The following PLK1 variants were observed in gnomAD, a reference collection of about 807,000 sequenced individuals.
PLK1 encodes polo like kinase 1.
A neutral mutation model predicts 56.7 loss-of-function variants in PLK1; 6 were observed. The ratio of observed to expected loss-of-function variants is 0.11; its 90% CI spans 0.06 to 0.21. The LOEUF (loss-of-function observed/expected upper bound fraction) is 0.21, where lower values mean the gene tolerates loss of function less well. PLK1 is among the 10% of genes least tolerant of loss of function. The probability of loss-of-function intolerance (pLI) is 1.00; values close to 1 mark genes in which losing one functional copy is unlikely to be tolerated. For synonymous variants in PLK1, 298 were observed against 325.0 expected (o/e 0.92, Z 0.89); for missense variants, 546 against 814.4 (o/e 0.67, Z 4.01).
At chr16:23,681,126 C>G (rs1051599078) in intron 3 of PLK1, 68 bp downstream of exon 3, 12 of 1,402,482 alleles carry the variant, frequency 8.6e-6, no homozygotes, top group Middle Eastern at 2.2e-4. Context: ...TCCTACCTGG[C>G]TGACCTTTTC....
Position 23,679,043 on chromosome 16 carries a change from G to C in PLK1, c.111G>C (p.Ala37=). The change falls in exon 1 of 10, where the codon GCG becomes GCC. Residue 37 remains alanine, a synonymous_variant. Transcript: ENST00000300093. The part of the protein sequence containing the change: ...APGAPAAAPP[A]KEIPEVLVDP... ...GAGCTCCGGCGGCGGCTCCACCGGC[G>C]AAAGAGATCCCGGAGGTCCTAGTGG... 1 of 1,607,988 alleles carries C rather than the reference G, an allele frequency of 6.2e-7. No individual in the cohort carries two copies. The highest frequency in any genetic ancestry group is 1.7e-5 in the Admixed American group (1 of 59,854).
rs770558489 is a variant in PLK1, at chr16:23,687,516, G to T, written c.1084G>T (p.Val362Leu). 3 of 1,601,204 alleles carry T rather than the reference G, an allele frequency of 1.9e-6. No homozygotes were observed. In the African/African-American group the frequency reaches 4.0e-5, roughly 21 times the overall value. The change falls in exon 6 of 10, where the codon GTG becomes TTG. Residue 362 changes from valine (V) to leucine (L), a missense_variant. By Grantham distance (32) the Val-to-Leu change is conservative. Coordinates refer to ENST00000300093, the MANE Select transcript of PLK1 (RefSeq NM_005030.6). ...PERPREKEEP[V>L]VRETGEVVDC... ...GCGTCCCCGGGAAAAAGAAGAACCAGTGGTTCGAGAGACAGGTGAGGTGGT... is the reference window on the plus strand; with the variant it reads ...GCGTCCCCGGGAAAAAGAAGAACCATTGGTTCGAGAGACAGGTGAGGTGGT...
In PLK1 at chr16:23,679,080, C is replaced by T; in HGVS notation, c.148C>T (p.Arg50Trp). 2.5e-6 allele frequency: 4 copies of T among 1,606,168 alleles called. No individual in the cohort carries two copies. Among genetic ancestry groups the T allele is most frequent in the Non-Finnish European group, 3.4e-6 (4 of 1,174,042 alleles). ...IPEVLVDPRSRRRYVRGRFLG... is the reference protein window; with the variant it reads ...IPEVLVDPRSWRRYVRGRFLG... ...GGAGGTCCTAGTGGACCCACGCAGC[C>T]GGCGGCGCTATGTGCGGGGCCGCTT... Residue 50 changes from arginine (R) to tryptophan (W), a missense_variant, in exon 1 of 10, where the codon CGG (arginine) becomes TGG (tryptophan). By Grantham distance (101) the Arg-to-Trp change is moderately radical (BLOSUM62 -3). Around this residue, in one of 7 missense-constraint regions of PLK1, gnomAD observed 111 missense variants for 211.8 expected, o/e 0.52. Coordinates refer to ENST00000300093, the MANE Select transcript of PLK1 (RefSeq NM_005030.6).
rs11645497 is a variant in PLK1 at position 23,681,026 on chromosome 16, C to G, written c.690C>G (p.Phe230Leu). The stretch of plus-strand genomic sequence containing the variant: ...TGCTGAGCAAGAAAGGGCACAGTTT[C>G]GAGGTGGATGTGTGGTCCATTGGGT... ...PEVLSKKGHS[F>L]EVDVWSIGCI... Residue 230 changes from phenylalanine (F) to leucine (L), a missense_variant, in exon 3 of 10, where the codon TTC (phenylalanine) becomes TTG (leucine). Physicochemically the swap from Phe to Leu is conservative, Grantham distance 22. This residue lies in a region of PLK1 where 21 missense variants were observed against 58.4 expected (regional missense o/e 0.36). Transcript: ENST00000300093. 1 of 1,613,320 alleles carries G rather than the reference C, an allele frequency of 6.2e-7. No homozygotes were observed. Among genetic ancestry groups the G allele is most frequent in the Non-Finnish European group, 8.5e-7 (1 of 1,179,708 alleles).
rs747697585 is a variant in PLK1, at chr16:23,680,996, C to T, written c.660C>T (p.Pro220=). ...TLCGTPNYIA[P]EVLSKKGHSF... ...GTGGGACTCCTAATTACATAGCTCC[C>T]GAGGTGCTGAGCAAGAAAGGGCACA... Residue 220 remains proline (P), a synonymous_variant, in exon 3 of 10, where the codon CCC becomes CCT. Coordinates refer to ENST00000300093, the MANE Select transcript of PLK1 (RefSeq NM_005030.6). The T allele has an allele frequency of 1.4e-5, 22 of 1,612,818 alleles. No individual in the cohort carries two copies. The highest frequency in any genetic ancestry group is 6.7e-5 in the East Asian group (3 of 44,776).
chr16:23,679,916 G>A (rs1183433172), intron 1 of PLK1, 168 bp from the exon 2 acceptor site: 2 of 583,090 alleles, frequency 3.4e-6, no homozygotes, highest in Non-Finnish European at 6.1e-6. Flanking sequence ...GCTGGAGAAG[G>A]AATGGGGTGG....
Position 23,679,070 on chromosome 16 carries a change from C to G in PLK1, c.138C>G (p.Asp46Glu). 6.2e-7 allele frequency: 1 copy of G among 1,606,362 alleles called. No individual in the cohort carries two copies. The highest frequency in any genetic ancestry group is 1.7e-4 in the Middle Eastern group (1 of 5,992). ...PAKEIPEVLV[D>E]PRSRRRYVRG... Reference sequence around the variant, plus strand: ...AAGAGATCCCGGAGGTCCTAGTGGACCCACGCAGCCGGCGGCGCTATGTGC... The same window carrying G: ...AAGAGATCCCGGAGGTCCTAGTGGAGCCACGCAGCCGGCGGCGCTATGTGC... The change falls in exon 1 of 10, where the codon GAC (aspartate) becomes GAG (glutamate). Residue 46 changes from aspartate (D) to glutamate (E), a missense_variant. Physicochemically the swap from Asp to Glu is conservative, Grantham distance 45. Transcript: ENST00000300093.
intron 5 of PLK1, 40 bp downstream of exon 5, chr16:23,684,129 G>A (rs757442756): frequency 2.6e-6 from 4 of 1,519,828 alleles, no homozygotes; most frequent in Non-Finnish European, 3.7e-6. Flanking sequence ...ACCCCCCAGA[G>A]AAAGCCCAGG....
chr16:23,688,844 T>C (rs1959477427), intron 7 of PLK1, 99 bp downstream of exon 7: 1 of 833,598 alleles, frequency 1.2e-6, no homozygotes. Flanking sequence ...GGTACTGTTC[T>C]CAGTGCCCTC....
rs1305579708 is a variant in PLK1, at chr16:23,679,121, C to T, written c.189C>T (p.Gly63=). The part of the protein sequence containing the change: ...YVRGRFLGKG[G]FAKCFEISDA... The stretch of plus-strand genomic sequence containing the variant: ...GGGGCCGCTTTTTGGGCAAGGGCGG[C>T]TTTGCCAAGTGCTTCGAGATCTCGG... Residue 63 remains glycine (G), a synonymous_variant, in exon 1 of 10, where the codon GGC becomes GGT. Coordinates refer to ENST00000300093, the MANE Select transcript of PLK1 (RefSeq NM_005030.6). 1 of 1,611,118 alleles carries T rather than the reference C, an allele frequency of 6.2e-7. No homozygotes were observed. Among genetic ancestry groups the T allele is most frequent in the African/African-American group, 1.3e-5 (1 of 74,882 alleles).
intron 3 of PLK1, among the ~76,000 whole-genome samples, chr16:23,681,616 G>A (rs1959332593): frequency 6.6e-6 from 1 of 152,182 alleles, no homozygotes; most frequent in Non-Finnish European, 1.5e-5. Context: ...TTTGGGCCTA[G>A]GTACTGGAGA....
rs1959521921 is a variant in PLK1, at chr16:23,690,119, C to A, written c.*56C>A. ...CCTCACTCCCACCTGCATCTGGGGC[C>A]CATACTGGTTGGCTCCCGCGGTGCC... is the stretch of plus-strand genomic sequence containing the variant. On this transcript the variant is annotated 3_prime_UTR_variant, in exon 10 of 10. Coordinates refer to ENST00000300093, the MANE Select transcript of PLK1 (RefSeq NM_005030.6). The A allele has an allele frequency of 2.1e-6, 3 of 1,418,938 alleles. No homozygotes were observed. The highest frequency in any genetic ancestry group is 9.8e-7 in the Non-Finnish European group (1 of 1,017,954). 87.9% of individuals were successfully genotyped at this position (1,418,938 alleles called of 1,614,324 possible).
chr16:23,679,852 G>C (rs1354913730), intron 1 of PLK1: 1 of 424,918 alleles, frequency 2.4e-6, no homozygotes, highest in Non-Finnish European at 4.2e-6. Flanking sequence ...AGTAGGAGAA[G>C]GGGTGCTGCG....
Position 23,690,047 on chromosome 16 carries a change from G to C in PLK1, c.1796G>C (p.Arg599Pro), listed in dbSNP as rs34954545. 1 of 1,610,244 alleles carries C rather than the reference G, an allele frequency of 6.2e-7. No individual in the cohort carries two copies. The highest frequency in any genetic ancestry group is 1.7e-5 in the Admixed American group (1 of 60,018). ...KLLSSRSASN[R>P]LKAS ...CTGAGCTCACGCTCGGCCAGCAACC[G>C]TCTCAAGGCCTCCTAATAGCTGCCC... The change falls in exon 10 of 10, where the codon CGT (arginine) becomes CCT (proline). Residue 599 changes from arginine to proline, a missense_variant. Arg to Pro is a moderately radical substitution (Grantham distance 103). This residue lies in a region of PLK1 where 72 missense variants were observed against 77.9 expected (regional missense o/e 0.92). Transcript: ENST00000300093.
chr16:23,680,472 A>G (rs1959313658), intron 2 of PLK1, among the ~76,000 whole-genome samples: 1 of 152,202 alleles, frequency 6.6e-6, no homozygotes, highest in Non-Finnish European at 1.5e-5. Context: ...TTTGATTCAG[A>G]ACTCCTTTTA....
intron 4 of PLK1, among the ~76,000 whole-genome samples, chr16:23,682,501 C>T (rs1363595270): frequency 1.3e-5 from 2 of 149,964 alleles, no homozygotes; most frequent in Non-Finnish European, 1.5e-5. Flanking sequence ...TTAGCGAGAT[C>T]ACATTGGGCA....
At position 23,688,680 on chromosome 16, in the gene PLK1, A is replaced by T; in HGVS notation, c.1205A>T (p.Asp402Val). ...GTTTCTGTCTCAGAGGAGGCTGAGGATCCTGCCTGCATCCCCATCTTCTGG... is the reference window on the plus strand; with the variant it reads ...GTTTCTGTCTCAGAGGAGGCTGAGGTTCCTGCCTGCATCCCCATCTTCTGG... ...RGLVRQEEAEDPACIPIFWVS... is the reference protein window; with the variant it reads ...RGLVRQEEAEVPACIPIFWVS... The change falls in exon 7 of 10, where the codon GAT (aspartate) becomes GTT (valine). Residue 402 changes from aspartate (D) to valine (V), a missense_variant. This residue lies in a region of PLK1 where 157 missense variants were observed against 184.0 expected (regional missense o/e 0.85). Coordinates refer to ENST00000300093, the MANE Select transcript of PLK1 (RefSeq NM_005030.6). 1 of 1,613,638 alleles carries T rather than the reference A, an allele frequency of 6.2e-7. No homozygotes were observed.
Position 23,687,612 on chromosome 16 carries a change from C to G in PLK1, c.1180C>G (p.Leu394Val). 1 of 1,583,670 alleles carries G rather than the reference C, an allele frequency of 6.3e-7. No individual in the cohort carries two copies. The highest frequency in any genetic ancestry group is 2.3e-5 in the East Asian group (1 of 43,200). The stretch of plus-strand genomic sequence containing the variant: ...TGCCTCCAAGCCCTCGGAGCGTGGG[C>G]TGGTCAGGCAAGGTGGGTACTGCGG... Reference protein sequence around the residue: ...VNASKPSERGLVRQEEAEDPA... With the variant: ...VNASKPSERGVVRQEEAEDPA... The change falls in exon 6 of 10, where the codon CTG (leucine) becomes GTG (valine). Residue 394 changes from leucine (L) to valine (V), a missense_variant. Physicochemically the swap from Leu to Val is conservative, Grantham distance 32. This residue lies in a region of PLK1 where 157 missense variants were observed against 184.0 expected (regional missense o/e 0.85). Transcript: ENST00000300093.
At chr16:23,686,613 C>T (rs1959432220) in intron 5 of PLK1, among the ~76,000 whole-genome samples, 1 of 152,206 alleles carries the variant, frequency 6.6e-6, no homozygotes, top group Admixed American at 6.5e-5. Context: ...CCACCTCAGC[C>T]TCCCAAGTAG....
Sources: allele counts gnomAD v4.1 joint callset (sites outside exome capture counted in the v4.1 genomes callset), GRCh38; gene constraint gnomAD v4.1.1; regional missense constraint gnomAD v4.1.1; transcripts MANE v1.5; gene names NCBI Gene and HGNC (gene_info 2026-07-23, HGNC 2026-07-21).